Variants in ITFG1 observed in about 807,000 individuals in gnomAD.
ITFG1 encodes the protein T-cell immunomodulatory protein.
Under a neutral mutation model 81.8 loss-of-function variants are expected in ITFG1, and 34 were observed. That is an observed-to-expected ratio of 0.42 (90% CI 0.32 to 0.55). The LOEUF is 0.55. ITFG1 is among the 20% of genes least tolerant of loss of function. ITFG1 has a pLI of 0.17. For synonymous variants in ITFG1, 285 were observed against 270.6 expected (o/e 1.05, Z -0.52); for missense variants, 672 against 755.4 (o/e 0.89, Z 1.29).
intron 10 of ITFG1, among the ~76,000 whole-genome samples, chr16:47,270,047 T>G (rs1251083066): frequency 6.6e-6 from 1 of 152,164 alleles, no homozygotes; most frequent in Non-Finnish European, 1.5e-5. Context: ...CAATAAATGG[T>G]GTTGGAACAA....
chr16:47,375,875 C>A lies in ITFG1; in HGVS notation c.720+1G>T, dbSNP rs764380470. 4 of 1,573,108 alleles carry A rather than the reference C, an allele frequency of 2.5e-6. No individual in the cohort carries two copies. The highest frequency in any genetic ancestry group is 1.7e-6 in the Non-Finnish European group (2 of 1,143,088). On this transcript the variant is annotated splice_donor_variant, in intron 7 of 17. Transcript: ENST00000320640. LOFTEE classifies it high-confidence loss of function. ...AATGCTTCAAGGAAAAGATTTCTTA[C>A]CAAATTTTCCCATATTTCAAACTGG...
intron 14 of ITFG1, among the ~76,000 whole-genome samples, chr16:47,208,573 T>C (rs903708161): frequency 7.9e-5 from 12 of 152,234 alleles, no homozygotes; most frequent in Non-Finnish European, 1.6e-4. Flanking sequence ...ACTTTAATTG[T>C]ATCGCTTTTA....
chr16:47,396,207 G>A (rs906117683), intron 6 of ITFG1: 15 of 981,516 alleles, frequency 1.5e-5, no homozygotes, highest in Middle Eastern at 5.2e-4. Flanking sequence ...GCAACTCAGA[G>A]CAAATACATT....
chr16:47,355,153 T>A (rs905816842), intron 8 of ITFG1, among the ~76,000 whole-genome samples: 1 of 152,048 alleles, frequency 6.6e-6, no homozygotes, highest in African/African-American at 2.4e-5. Flanking sequence ...GTCCATCAAA[T>A]GTATGAATGG....
intron 10 of ITFG1, among the ~76,000 whole-genome samples, chr16:47,286,194 C>T (rs1303443717): frequency 6.6e-6 from 1 of 152,174 alleles, no homozygotes; most frequent in Non-Finnish European, 1.5e-5. Context: ...ACAAAGGCCT[C>T]AATCTATCCC....
chr16:47,397,927 A>G (rs1360188117), intron 6 of ITFG1, among the ~76,000 whole-genome samples: 1 of 152,202 alleles, frequency 6.6e-6, no homozygotes, highest in African/African-American at 2.4e-5. Context: ...ATGTTACAAT[A>G]TCACTGAGTT....
chr16:47,460,456 G>A (rs1663981343), intron 1 of ITFG1, among the ~76,000 whole-genome samples: 1 of 152,192 alleles, frequency 6.6e-6, no homozygotes, highest in African/African-American at 2.4e-5. Flanking sequence ...AAAATAGAAA[G>A]GAATGAGTGG....
chr16:47,434,180 A>T (rs1969133336), intron 5 of ITFG1, among the ~76,000 whole-genome samples: 1 of 151,924 alleles, frequency 6.6e-6, no homozygotes, highest in Admixed American at 6.6e-5. Context: ...TGCCAACAGC[A>T]TTACAAGAAA....
intron 12 of ITFG1, among the ~76,000 whole-genome samples, chr16:47,244,123 T>C (rs968234278): frequency 1.6e-4 from 24 of 152,226 alleles, no homozygotes; most frequent in African/African-American, 5.3e-4. Context: ...TTCATTTACA[T>C]CATGTTCAAA....
intron 6 of ITFG1, among the ~76,000 whole-genome samples, chr16:47,400,999 A>G (rs1050563658): frequency 1.3e-5 from 2 of 152,220 alleles, no homozygotes; most frequent in Admixed American, 6.5e-5. Context: ...GAGATTTAAC[A>G]GGAAGGGAAG....
intron 2 of ITFG1, among the ~76,000 whole-genome samples, chr16:47,458,443 T>C (rs1969480435): frequency 6.6e-6 from 1 of 152,170 alleles, no homozygotes; most frequent in Non-Finnish European, 1.5e-5. Flanking sequence ...AGCTGCCCCT[T>C]TGGCCTGCAC....
chr16:47,318,838 C>T (rs900622543), intron 8 of ITFG1, among the ~76,000 whole-genome samples: 19 of 152,232 alleles, frequency 1.2e-4, no homozygotes, highest in Admixed American at 1.2e-3. Flanking sequence ...ATTTTATATG[C>T]AATCTGTTGT....
At chr16:47,246,856 G>A (rs1966007711) in intron 12 of ITFG1, among the ~76,000 whole-genome samples, 1 of 152,032 alleles carries the variant, frequency 6.6e-6, no homozygotes, top group South Asian at 2.1e-4. Flanking sequence ...ACGCTGAAAT[G>A]CAGTGGCACC....
At chr16:47,212,333 C>T (rs1216765324) in intron 14 of ITFG1, among the ~76,000 whole-genome samples, 2 of 152,146 alleles carry the variant, frequency 1.3e-5, no homozygotes, top group African/African-American at 4.8e-5. Flanking sequence ...CCCACTTCAG[C>T]CTCCTGAATT....
At position 47,376,964 on chromosome 16, in the gene ITFG1, C is replaced by CAAAAAAAAAAAAAAAAAAAA. The variant is rs1222007051; in HGVS notation, c.656-1044_656-1025dup. On this transcript the variant is annotated intron_variant, in intron 6 of 17. Transcript: ENST00000320640. Reference sequence around the variant, plus strand: ...GAGACAGAGGGAGACTCTGTCTCCCCAAAAAAAAAAAAAAAAAAAAAAAAA... The same window carrying CAAAAAAAAAAAAAAAAAAAA: ...GAGACAGAGGGAGACTCTGTCTCCCCAAAAAAAAAAAAAAAAAAAAAAAAAAAAAAAAAAAAAAAAAAAAA... 6.6e-4 allele frequency among the ~76,000 whole-genome samples: 12 copies of CAAAAAAAAAAAAAAAAAAAA among 18,072 alleles called. 4 individuals carry two copies. Among genetic ancestry groups the CAAAAAAAAAAAAAAAAAAAA allele is most frequent in the African/African-American group, 1.5e-3 (12 of 8,052 alleles). 11.9% of individuals were successfully genotyped at this position (18,072 alleles called of 152,430 possible). A position where few individuals can be genotyped will look rare whatever the true frequency, so the allele number is the denominator to read the frequency against.
intron 8 of ITFG1, among the ~76,000 whole-genome samples, chr16:47,328,085 T>C (rs879252257): frequency 6.6e-6 from 1 of 152,108 alleles, no homozygotes; most frequent in Admixed American, 6.6e-5. Context: ...TGTCCAACAA[T>C]GATAGATTGG....
intron 6 of ITFG1, among the ~76,000 whole-genome samples, chr16:47,425,247 G>A (rs1277688805): frequency 3.3e-5 from 5 of 152,224 alleles, no homozygotes; most frequent in Non-Finnish European, 7.3e-5. Context: ...GGGACCCGTG[G>A]AGCCAGGCAC....
intron 10 of ITFG1, among the ~76,000 whole-genome samples, chr16:47,276,010 T>TA (rs1260459991): frequency 6.6e-6 from 1 of 152,054 alleles, no homozygotes; most frequent in Non-Finnish European, 1.5e-5. Flanking sequence ...AAGTCAATGA[T>TA]ACCAAATAAC....
At chr16:47,265,887 A>G (rs1216013828) in intron 10 of ITFG1, among the ~76,000 whole-genome samples, 1 of 152,216 alleles carries the variant, frequency 6.6e-6, no homozygotes, top group Non-Finnish European at 1.5e-5. Flanking sequence ...AAGATGTAAA[A>G]GCAGTGATAA....
Sources: gnomAD v4.1 joint callset for allele counts (sites outside exome capture counted in the v4.1 genomes callset) on GRCh38, gnomAD v4.1.1 for gene constraint, MANE v1.5 for transcripts, NCBI Gene and HGNC (gene_info 2026-07-23, HGNC 2026-07-21) for gene names.